The following PEPD variants were observed in gnomAD, a reference collection of about 807,000 sequenced individuals.
PEPD encodes the protein xaa-Pro dipeptidase.
Under a neutral mutation model 60.7 loss-of-function variants are expected in PEPD, and 53 were observed. The observed-to-expected ratio is 0.87, with a 90% CI of 0.70 to 1.10. The LOEUF (loss-of-function observed/expected upper bound fraction) is 1.10. Among genes scored for constraint, PEPD ranks in the 50% least tolerant of loss-of-function variants. The probability of loss-of-function intolerance (pLI) is 0.00; values close to 1 mark genes in which losing one functional copy is unlikely to be tolerated. For synonymous variants in PEPD, 267 were observed against 284.1 expected (o/e 0.94, Z 0.60); for missense variants, 711 against 711.9 (o/e 1.00, Z 0.01).
chr19:33,453,939 A>T (rs771086275), intron 9 of PEPD, among the ~76,000 whole-genome samples: 1 of 152,194 alleles, frequency 6.6e-6, no homozygotes, highest in Non-Finnish European at 1.5e-5. Context: ...GTCCTGATAA[A>T]CCACAATAAA....
chr19:33,398,728 T>C (rs568301489), intron 12 of PEPD, among the ~76,000 whole-genome samples: 3 of 152,302 alleles, frequency 2.0e-5, no homozygotes, highest in Non-Finnish European at 2.9e-5. Flanking sequence ...GGAGGCTGGA[T>C]TGGATTTGAC....
At chr19:33,508,636 G>A (rs1039070078) in intron 3 of PEPD, among the ~76,000 whole-genome samples, 7 of 152,332 alleles carry the variant, frequency 4.6e-5, no homozygotes, top group African/African-American at 9.6e-5. Context: ...GGGAGTCTGC[G>A]CTTCCTCATG....
At chr19:33,438,597 A>G (rs62100661) in intron 9 of PEPD, among the ~76,000 whole-genome samples, 24,070 of 152,242 alleles carry the variant, frequency 0.16, 2,182 homozygotes, top group Non-Finnish European at 0.2. Context: ...CTGGAAGCCG[A>G]CAGCCCAACC....
At chr19:33,495,234 A>G (rs1970579965) in intron 4 of PEPD, among the ~76,000 whole-genome samples, 1 of 152,114 alleles carries the variant, frequency 6.6e-6, no homozygotes, top group South Asian at 2.1e-4. Context: ...CCAGCCAGCC[A>G]CAGTGGATCA....
chr19:33,474,648 T>C (rs1441547458), intron 7 of PEPD, among the ~76,000 whole-genome samples: 1 of 152,112 alleles, frequency 6.6e-6, no homozygotes, highest in Non-Finnish European at 1.5e-5. Flanking sequence ...CATGCCATTG[T>C]ACTCCAGCCT....
At chr19:33,404,020 T>G (rs368263829) in intron 11 of PEPD, among the ~76,000 whole-genome samples, 104 of 152,290 alleles carry the variant, frequency 6.8e-4, no homozygotes, top group African/African-American at 2.5e-3. Flanking sequence ...GAAGGGAAAC[T>G]GAGGCTCAGA....
At chr19:33,471,565 T>C (rs543793435) in intron 7 of PEPD, among the ~76,000 whole-genome samples, 149 of 152,240 alleles carry the variant, frequency 9.8e-4, no homozygotes, top group East Asian at 1.2e-3. Context: ...TCACACTCAG[T>C]CCCAGCCTTG....
At chr19:33,479,876 C>T (rs185470932) in intron 6 of PEPD, among the ~76,000 whole-genome samples, 5 of 152,260 alleles carry the variant, frequency 3.3e-5, no homozygotes, top group Admixed American at 2.6e-4. Flanking sequence ...AGTGCTGCAG[C>T]GAACATACAC....
intron 9 of PEPD, among the ~76,000 whole-genome samples, chr19:33,448,954 G>T (rs1258966327): frequency 6.6e-6 from 1 of 152,248 alleles, no homozygotes; most frequent in Non-Finnish European, 1.5e-5. Context: ...ATAAACTCTG[G>T]CCTTTCTCTT....
At chr19:33,511,745 C>T (rs1437061150) in intron 2 of PEPD, among the ~76,000 whole-genome samples, 1 of 152,160 alleles carries the variant, frequency 6.6e-6, no homozygotes, top group Non-Finnish European at 1.5e-5. Context: ...GTTTTTAAGC[C>T]GCAGAGTATT....
chr19:33,500,851 G>T, intron 4 of PEPD, 87 bp downstream of exon 4: 1 of 819,190 alleles, frequency 1.2e-6, no homozygotes, highest in South Asian at 1.3e-5. Flanking sequence ...CATCCAGCAA[G>T]GTTGTGGCAG....
intron 11 of PEPD, among the ~76,000 whole-genome samples, chr19:33,404,989 G>A (rs1968587568): frequency 6.6e-6 from 1 of 152,230 alleles, no homozygotes; most frequent in Non-Finnish European, 1.5e-5. Context: ...GTCATACGTT[G>A]GCTCAATCGA....
At chr19:33,402,249 CCCGCCCGCTGCCTGG>C (rs1968514648) in intron 11 of PEPD, among the ~76,000 whole-genome samples, 1 of 152,204 alleles carries the variant, frequency 6.6e-6, no homozygotes, top group African/African-American at 2.4e-5. Context: ...GCCCCAGGAC[CCCGCCCGCTGCCTGG>C]CCTCCACCCG....
rs1373161845 is a variant in PEPD, at chr19:33,411,745, C to T, written c.745G>A (p.Glu249Lys). ...SSYTCICGSG[E>K]NSAVLHYGHA... ...CCGTAGTGTAGCACGGCTGAGTTCTCACCACTGCAAAGAGCCGGGGGAGGG... is the reference window on the plus strand; with the variant it reads ...CCGTAGTGTAGCACGGCTGAGTTCTTACCACTGCAAAGAGCCGGGGGAGGG... The change falls in exon 11 of 15, where the codon GAG (glutamate) becomes AAG (lysine). Residue 249 changes from glutamate to lysine, a missense_variant. By Grantham distance (56) the Glu-to-Lys change is moderately conservative. Transcript: ENST00000244137. The T allele has an allele frequency of 6.2e-7, 1 of 1,602,950 alleles. No individual in the cohort carries two copies. The highest frequency in any genetic ancestry group is 2.2e-5 in the East Asian group (1 of 44,822).
chr19:33,498,036 C>A (rs913781682), intron 4 of PEPD, among the ~76,000 whole-genome samples: 2 of 151,942 alleles, frequency 1.3e-5, no homozygotes, highest in African/African-American at 4.8e-5. Flanking sequence ...GGGCTACGGC[C>A]CAGCACAGTC....
chr19:33,398,055 G>C (rs1968406792), intron 12 of PEPD, among the ~76,000 whole-genome samples: 1 of 152,204 alleles, frequency 6.6e-6, no homozygotes, highest in Admixed American at 6.5e-5. Flanking sequence ...CCTGGTTTCA[G>C]CACAGGAGAC....
rs537337323 is a variant in PEPD at position 33,486,552 on chromosome 19, C to A, written c.503+3444G>T. Reference sequence around the variant, plus strand: ...TCTCTGGCCGTGTGCATGCCCACCACCCTCAGCCCACCTCTGCCCTGTCCC... The same window carrying A: ...TCTCTGGCCGTGTGCATGCCCACCAACCTCAGCCCACCTCTGCCCTGTCCC... On this transcript the variant is annotated intron_variant, in intron 6 of 14. Transcript: ENST00000244137. Among the ~76,000 whole-genome samples, 10 of 152,228 alleles carry A rather than the reference C, an allele frequency of 6.6e-5. No homozygotes were observed. In the East Asian group the frequency reaches 1.6e-3, roughly 24 times the overall value.
At chr19:33,399,861 T>A (rs1409068543) in intron 12 of PEPD, among the ~76,000 whole-genome samples, 1 of 152,096 alleles carries the variant, frequency 6.6e-6, no homozygotes, top group Admixed American at 6.5e-5. Context: ...TCTAACTAGA[T>A]GCCACGGTCC....
chr19:33,434,164 G>A (rs1215539590), intron 9 of PEPD, among the ~76,000 whole-genome samples: 2 of 152,102 alleles, frequency 1.3e-5, no homozygotes, highest in Non-Finnish European at 2.9e-5. Flanking sequence ...CGCTGTTCGT[G>A]TCCCTGACTG....
Sources: gnomAD v4.1 joint callset for allele counts (sites outside exome capture counted in the v4.1 genomes callset) on GRCh38, gnomAD v4.1.1 for gene constraint, MANE v1.5 for transcripts, NCBI Gene and HGNC (gene_info 2026-07-23, HGNC 2026-07-21) for gene names.